The following LRRTM3 variants were observed in gnomAD, a reference collection of about 807,000 sequenced individuals.
LRRTM3 encodes the protein leucine-rich repeat transmembrane neuronal protein 3.
LRRTM3 carries 24 observed loss-of-function variants against 44.7 expected under a neutral mutation model. That is an observed-to-expected ratio of 0.54 (90% CI 0.39 to 0.76). The LOEUF is 0.76. LRRTM3 is among the 30% of genes least tolerant of loss of function. LRRTM3 has a pLI of 0.00. For missense variants in LRRTM3, 587 were observed against 702.2 expected, an observed-to-expected ratio of 0.84 and a Z score of 1.85; for synonymous variants, 277 against 278.7, an observed-to-expected ratio of 0.99 and a Z score of 0.06.
At chr10:67,006,765 TTC>T (rs1164669170) in intron 2 of LRRTM3, among the ~76,000 whole-genome samples, 2 of 151,402 alleles carry the variant, frequency 1.3e-5, no homozygotes, top group East Asian at 3.9e-4. Flanking sequence ...GATACATTTG[TTC>T]TCTTTATTTC....
Position 67,099,501 on chromosome 10 carries a change from T to G in LRRTM3, c.*1705T>G, listed in dbSNP as rs974227297. On this transcript the variant is annotated 3_prime_UTR_variant, in exon 3 of 3. Transcript: ENST00000361320. Reference sequence around the variant, plus strand: ...GAAAACAATGTCAAACTTTTAAATTTTTATCTCTTCCAAAGAAGTTATATC... The same window carrying G: ...GAAAACAATGTCAAACTTTTAAATTGTTATCTCTTCCAAAGAAGTTATATC... The G allele has an allele frequency of 3.3e-5, 5 of 152,130 alleles. No individual in the cohort carries two copies. Among genetic ancestry groups the G allele is most frequent in the African/African-American group, 1.2e-4 (5 of 41,394 alleles). The allele number at this position is 152,130 out of a possible 1,614,324, so 9.4% of individuals were successfully genotyped here.
chr10:67,004,444 C>T (rs1197696016), intron 2 of LRRTM3, among the ~76,000 whole-genome samples: 1 of 152,196 alleles, frequency 6.6e-6, no homozygotes, highest in Admixed American at 6.5e-5. Context: ...AGCCCCATGG[C>T]ATGGTGTCTG....
intron 2 of LRRTM3, among the ~76,000 whole-genome samples, chr10:67,069,694 G>A (rs1856328638): frequency 6.6e-6 from 1 of 151,756 alleles, no homozygotes. Context: ...TGTTGTGTCT[G>A]AATGTTGTGT....
At chr10:67,043,570 T>C (rs1406332212) in intron 2 of LRRTM3, among the ~76,000 whole-genome samples, 1 of 152,180 alleles carries the variant, frequency 6.6e-6, no homozygotes, top group East Asian at 1.9e-4. Context: ...GAATCTCACA[T>C]CTTTCCTCAG....
At chr10:67,060,229 G>T (rs930874695) in intron 2 of LRRTM3, among the ~76,000 whole-genome samples, 5 of 152,078 alleles carry the variant, frequency 3.3e-5, no homozygotes, top group African/African-American at 1.2e-4. Flanking sequence ...GAGATGGGAG[G>T]ATTAATTGGG....
intron 2 of LRRTM3, among the ~76,000 whole-genome samples, chr10:66,983,242 T>C (rs1408869178): frequency 2.0e-5 from 3 of 152,114 alleles, no homozygotes; most frequent in Admixed American, 2.0e-4. Context: ...ACAGATTTCA[T>C]TCCATCCTAG....
In LRRTM3 at chr10:67,063,571, A is replaced by G. The variant is rs149183051; in HGVS notation, c.1537-34016A>G. On this transcript the variant is annotated intron_variant, in intron 2 of 2. Coordinates refer to ENST00000361320, the MANE Select transcript of LRRTM3 (RefSeq NM_178011.5). ...CACTGTCAGATATGAAGTGGCTCCA[A>G]TGAAAGGTTGGGACCAGTGAATATC... is the stretch of plus-strand genomic sequence containing the variant. Among the ~76,000 whole-genome samples the G allele has an allele frequency of 1.8e-3, 269 of 152,354 alleles. 1 individual carries two copies. Among genetic ancestry groups the G allele is most frequent in the South Asian group, 6.2e-3 (30 of 4,824 alleles).
intron 2 of LRRTM3, among the ~76,000 whole-genome samples, chr10:67,023,704 C>G (rs1853172937): frequency 6.6e-6 from 1 of 152,136 alleles, no homozygotes; most frequent in African/African-American, 2.4e-5. Context: ...TTCAGAACTA[C>G]TAATCTTCTT....
chr10:66,978,552 A>AAAAAAAATATATAT, intron 2 of LRRTM3, among the ~76,000 whole-genome samples: 1 of 37,884 alleles, frequency 2.6e-5, no homozygotes, highest in Non-Finnish European at 4.8e-5. Context: ...AAAAAAAAAA[A>AAAAAAAATATATAT]ATATATATAT....
chr10:67,092,769 G>A lies in LRRTM3; in HGVS notation c.1537-4818G>A, dbSNP rs1231030808. ...TATGTGAAAGGTACATAGCATTGAT[G>A]TTGATACGAGACAGTGATATGAGAC... is the stretch of plus-strand genomic sequence containing the variant. On this transcript the variant is annotated intron_variant, in intron 2 of 2. Coordinates refer to ENST00000361320, the MANE Select transcript of LRRTM3 (RefSeq NM_178011.5). Among the ~76,000 whole-genome samples the A allele has an allele frequency of 2.0e-5, 3 of 152,070 alleles. No homozygotes were observed. The East Asian group carries it at 5.8e-4, about 30-fold the overall frequency.
At chr10:67,027,940 T>C (rs1346572516) in intron 2 of LRRTM3, among the ~76,000 whole-genome samples, 1 of 152,186 alleles carries the variant, frequency 6.6e-6, no homozygotes, top group African/African-American at 2.4e-5. Context: ...ACTTTTTTGT[T>C]TATAAAATCT....
chr10:67,057,810 T>C (rs2133207891), intron 2 of LRRTM3, among the ~76,000 whole-genome samples: 1 of 152,276 alleles, frequency 6.6e-6, no homozygotes, highest in African/African-American at 2.4e-5. Flanking sequence ...TGTCTCAGTC[T>C]CTTTTGCCAT....
At chr10:66,934,714 C>T (rs1021608788) in intron 2 of LRRTM3, among the ~76,000 whole-genome samples, 3 of 152,116 alleles carry the variant, frequency 2.0e-5, no homozygotes, top group Non-Finnish European at 4.4e-5. Flanking sequence ...CAGAAACACT[C>T]TTTCCAACAA....
intron 1 of LRRTM3, 113 bp downstream of exon 1, chr10:66,926,700 G>C (rs571682145): frequency 8.6e-6 from 11 of 1,271,854 alleles, no homozygotes; most frequent in Admixed American, 2.1e-5. Context: ...TCTGCTCTAA[G>C]ACTATGAATT....
chr10:67,086,709 T>C (rs1291155411), intron 2 of LRRTM3, among the ~76,000 whole-genome samples: 2 of 152,018 alleles, frequency 1.3e-5, no homozygotes, highest in Non-Finnish European at 2.9e-5. Context: ...AAATCATATA[T>C]AGAGCCTCTC....
intron 2 of LRRTM3, among the ~76,000 whole-genome samples, chr10:66,934,473 A>C (rs1173894015): frequency 6.6e-6 from 1 of 152,156 alleles, no homozygotes; most frequent in Non-Finnish European, 1.5e-5. Flanking sequence ...ACTTGCATTA[A>C]ATATTAGGAC....
intron 2 of LRRTM3, among the ~76,000 whole-genome samples, chr10:66,964,509 C>A (rs1849296472): frequency 6.6e-6 from 1 of 152,124 alleles, no homozygotes; most frequent in South Asian, 2.1e-4. Flanking sequence ...GACCAGGATT[C>A]CTATTTCCTA....
At chr10:66,937,675 C>A (rs570668882) in intron 2 of LRRTM3, among the ~76,000 whole-genome samples, 364 of 152,252 alleles carry the variant, frequency 2.4e-3, no homozygotes, top group Middle Eastern at 6.8e-3. Flanking sequence ...GCTACAACCA[C>A]CTTTATTGCC....
intron 2 of LRRTM3, among the ~76,000 whole-genome samples, chr10:67,003,757 C>A (rs1160450260): frequency 6.6e-6 from 1 of 152,004 alleles, no homozygotes; most frequent in African/African-American, 2.4e-5. Flanking sequence ...TAGATTCTGG[C>A]CAGTTAACTG....
Sources: gnomAD v4.1 joint callset for allele counts (sites outside exome capture counted in the v4.1 genomes callset) on GRCh38, gnomAD v4.1.1 for gene constraint, MANE v1.5 for transcripts, NCBI Gene and HGNC (gene_info 2026-07-23, HGNC 2026-07-21) for gene names.